NRG1: variants seen among roughly 807,000 people sequenced by gnomAD.
NRG1 encodes the protein neuregulin 1.
A neutral mutation model predicts 63.8 loss-of-function variants in NRG1; 18 were observed. The observed-to-expected ratio is 0.28, with a 90% CI of 0.19 to 0.42. The LOEUF (loss-of-function observed/expected upper bound fraction) is 0.42. Ranked by LOEUF, NRG1 falls within the 10% of genes least tolerant of loss-of-function variation. NRG1 has a pLI of 1.00. For missense variants in NRG1, 762 were observed against 814.7 expected, an observed-to-expected ratio of 0.94 and a Z score of 0.79; for synonymous variants, 302 against 301.3, an observed-to-expected ratio of 1.00 and a Z score of -0.02.
chr8:32,222,034 T>TACACACACACACAC lies in NRG1; in HGVS notation c.38-373776_38-373763dup, dbSNP rs202206585. Among the ~76,000 whole-genome samples the TACACACACACACAC allele has an allele frequency of 7.3e-4, 109 of 148,686 alleles. 2 individuals carry two copies. Among genetic ancestry groups the TACACACACACACAC allele is most frequent in the African/African-American group, 2.6e-3 (105 of 40,598 alleles). ...TAAAGTGTCTATATGGAAACATACA[T>TACACACACACACAC]ACACACACACACACACACACACACA... is the stretch of plus-strand genomic sequence containing the variant. On this transcript the variant is annotated intron_variant, in intron 1 of 10. Coordinates refer to the NRG1 transcript ENST00000519301.
intron 1 of NRG1, among the ~76,000 whole-genome samples, chr8:32,375,170 G>C (rs1022191319): frequency 6.6e-6 from 1 of 151,694 alleles, no homozygotes; most frequent in African/African-American, 2.4e-5. Context: ...TTAGAGATGA[G>C]GCCTTCTACA....
intron 1 of NRG1, among the ~76,000 whole-genome samples, chr8:31,678,044 A>C (rs1195897063): frequency 6.6e-6 from 1 of 151,234 alleles, no homozygotes; most frequent in Non-Finnish European, 1.5e-5. Context: ...AAAAAAAAAA[A>C]CTACACATAA....
At chr8:32,668,399 T>C (rs76029458) in intron 5 of NRG1, among the ~76,000 whole-genome samples, 5,050 of 152,256 alleles carry the variant, frequency 0.033, 102 homozygotes, top group Middle Eastern at 0.058. Flanking sequence ...CTAGTGGGTC[T>C]CAGTCAGAAA....
intron 1 of NRG1, among the ~76,000 whole-genome samples, chr8:31,893,842 T>A (rs1294421516): frequency 6.6e-6 from 1 of 152,044 alleles, no homozygotes; most frequent in African/African-American, 2.4e-5. Context: ...TTGATTAACT[T>A]TATTCACATC....
At chr8:32,288,010 T>C (rs1435781763) in intron 1 of NRG1, among the ~76,000 whole-genome samples, 1 of 152,220 alleles carries the variant, frequency 6.6e-6, no homozygotes, top group Non-Finnish European at 1.5e-5. Context: ...TCGTGGTACA[T>C]ATTTTCCAGC....
intron 1 of NRG1, among the ~76,000 whole-genome samples, chr8:31,754,756 A>G (rs1247182777): frequency 6.6e-5 from 10 of 152,086 alleles, no homozygotes; most frequent in African/African-American, 2.4e-4. Context: ...CTATGATTAT[A>G]GTGGACAAGT....
intron 1 of NRG1, among the ~76,000 whole-genome samples, chr8:31,726,874 A>G (rs1385276240): frequency 1.3e-5 from 2 of 152,156 alleles, no homozygotes; most frequent in Admixed American, 6.5e-5. Context: ...GCTCTTTCCA[A>G]CAGAGGGTAG....
intron 2 of NRG1, among the ~76,000 whole-genome samples, chr8:32,601,485 A>G (rs949006991): frequency 2.0e-5 from 3 of 152,146 alleles, no homozygotes; most frequent in Non-Finnish European, 4.4e-5. Flanking sequence ...CTTCTATGTA[A>G]TATCATTCAA....
intron 1 of NRG1, among the ~76,000 whole-genome samples, chr8:32,428,512 C>T (rs1817707323): frequency 6.6e-6 from 1 of 152,156 alleles, no homozygotes; most frequent in Non-Finnish European, 1.5e-5. Flanking sequence ...CATTTTAGGG[C>T]TGTTGCTGCT....
intron 1 of NRG1, among the ~76,000 whole-genome samples, chr8:32,180,554 G>A (rs1207782756): frequency 2.0e-5 from 3 of 152,146 alleles, no homozygotes; most frequent in East Asian, 3.9e-4. Flanking sequence ...ATTTCAGTAT[G>A]TCTGTGGTTT....
At chr8:32,771,386 A>G (rs572218185), downstream of NRG1, among the ~76,000 whole-genome samples, 3 of 145,950 alleles carry the variant, frequency 2.1e-5, no homozygotes, top group South Asian at 6.6e-4. Context: ...TCGGCCTCCC[A>G]AAGTGCTGGA....
At chr8:32,548,280 A>C in exon 1 of NRG1, 1 of 987,092 alleles carries the variant, frequency 1.0e-6, no homozygotes, top group Non-Finnish European at 1.2e-6. Flanking sequence ...GCTGCGGGGC[A>C]ATTGAAAAAG....
intron 1 of NRG1, among the ~76,000 whole-genome samples, chr8:32,315,140 G>A (rs1277677256): frequency 1.3e-5 from 2 of 152,112 alleles, no homozygotes; most frequent in African/African-American, 4.8e-5. Flanking sequence ...TTGTTACATA[G>A]GTAAACGTGT....
chr8:31,641,446 T>A (rs575018257), intron 1 of NRG1, among the ~76,000 whole-genome samples: 11 of 152,184 alleles, frequency 7.2e-5, no homozygotes, highest in African/African-American at 2.6e-4. Flanking sequence ...TTATGGAATA[T>A]CACATGTAGG....
intron 1 of NRG1, among the ~76,000 whole-genome samples, chr8:31,896,009 CA>C: frequency 6.6e-6 from 1 of 152,222 alleles, no homozygotes; most frequent in Non-Finnish European, 1.5e-5. Context: ...TTAGTTTTCA[CA>C]ACTCTTGGAA....
chr8:32,427,386 C>T (rs780756719), intron 1 of NRG1, among the ~76,000 whole-genome samples: 2 of 152,118 alleles, frequency 1.3e-5, no homozygotes, highest in African/African-American at 4.8e-5. Flanking sequence ...ATTATCCTTC[C>T]TGCGATCACA....
chr8:31,839,953 A>C (rs937408206), intron 1 of NRG1, among the ~76,000 whole-genome samples: 1 of 152,120 alleles, frequency 6.6e-6, no homozygotes, highest in Admixed American at 6.5e-5. Flanking sequence ...GAGCCACCAG[A>C]TGGGAGCAAA....
intron 1 of NRG1, among the ~76,000 whole-genome samples, chr8:32,064,558 TC>T (rs1162097916): frequency 6.6e-6 from 1 of 152,138 alleles, no homozygotes. Context: ...TCATAGATTT[TC>T]AAAAACTTAT....
intron 1 of NRG1, among the ~76,000 whole-genome samples, chr8:31,841,691 AC>A (rs1244019692): frequency 6.6e-6 from 1 of 152,168 alleles, no homozygotes; most frequent in Non-Finnish European, 1.5e-5. Context: ...CTAGCTATTT[AC>A]CCCTATAACT....
Sources: gnomAD v4.1 joint callset for allele counts (sites outside exome capture counted in the v4.1 genomes callset) on GRCh38, gnomAD v4.1.1 for gene constraint, MANE v1.5 for transcripts, NCBI Gene and HGNC (gene_info 2026-07-23, HGNC 2026-07-21) for gene names.